Variants in CDKL5 observed in about 807,000 individuals in gnomAD.
CDKL5 encodes the protein cyclin dependent kinase like 5.
CDKL5 carries 8 observed loss-of-function variants against 61.7 expected under a neutral mutation model. The ratio of observed to expected loss-of-function variants is 0.13; its 90% CI spans 0.08 to 0.23. CDKL5 has a LOEUF of 0.23. Among genes scored for constraint, CDKL5 ranks in the 10% least tolerant of loss-of-function variants. CDKL5 has a pLI of 1.00. For missense variants in CDKL5, 440 were observed against 734.5 expected (o/e 0.60, Z 4.63); for synonymous variants, 275 against 272.3 (o/e 1.01, Z -0.10).
chrX:18,572,848 C>T (rs1925177936), intron 4 of CDKL5, among the ~76,000 whole-genome samples: 1 of 111,941 alleles, frequency 8.9e-6, no homozygotes. Flanking sequence ...CCTCCATGAG[C>T]TCTTGATTTA....
At chrX:18,516,149 C>G (rs1293808026) in intron 3 of CDKL5, among the ~76,000 whole-genome samples, 1 of 110,662 alleles carries the variant, frequency 9.0e-6, no homozygotes, top group Non-Finnish European at 1.9e-5. Context: ...CACCACCATG[C>G]GTGGCTAATT....
chrX:18,473,064 T>G (rs1921160080), intron 1 of CDKL5, among the ~76,000 whole-genome samples: 1 of 108,303 alleles, frequency 9.2e-6, no homozygotes, highest in Admixed American at 1.0e-4. Flanking sequence ...CAAGCCACTT[T>G]CCTGCCTCAG....
At chrX:18,481,653 T>C (rs184145998) in intron 1 of CDKL5, among the ~76,000 whole-genome samples, 104 of 108,996 alleles carry the variant, frequency 9.5e-4, no homozygotes, top group African/African-American at 3.4e-3. Context: ...TGAGCCACTG[T>C]GCCCGACTCC....
At chrX:18,442,853 G>A (rs894435068) in intron 1 of CDKL5, among the ~76,000 whole-genome samples, 2 of 112,078 alleles carry the variant, frequency 1.8e-5, no homozygotes, top group Non-Finnish European at 3.8e-5. Flanking sequence ...TTTCATTGTA[G>A]TTCTCTTATT....
chrX:18,497,844 T>G (rs2147084759), intron 1 of CDKL5, among the ~76,000 whole-genome samples: 1 of 109,476 alleles, frequency 9.1e-6, no homozygotes, highest in East Asian at 2.9e-4. Context: ...TTCCTTTCTT[T>G]CTCTGTCACC....
At chrX:18,583,841 A>C (rs889379324) in intron 7 of CDKL5, among the ~76,000 whole-genome samples, 1 of 112,208 alleles carries the variant, frequency 8.9e-6, no homozygotes, top group African/African-American at 3.2e-5. Flanking sequence ...ATACTGTGTA[A>C]GTGCCACATA....
Position 18,631,531 on chromosome X carries a change from C to A in CDKL5, c.*2774C>A, listed in dbSNP as rs1297080743. 1.9e-5 allele frequency: 14 copies of A among 752,795 alleles called. No individual in the cohort carries two copies. The East Asian group carries it at 1.4e-3, about 73-fold the overall frequency. The allele number at this position is 752,795 out of a possible 1,213,427, so 62.0% of individuals were successfully genotyped here. On this transcript the variant is annotated 3_prime_UTR_variant, in exon 18 of 18. Transcript: ENST00000623535. The stretch of plus-strand genomic sequence containing the variant: ...TACTGACATCACAAAGATTGCCATC[C>A]ATGGTAGAAAGGACTTGATTTAAAG...
At chrX:18,494,263 T>G (rs751502076) in intron 1 of CDKL5, among the ~76,000 whole-genome samples, 1 of 110,922 alleles carries the variant, frequency 9.0e-6, no homozygotes. Context: ...TTCTTTTTTT[T>G]TGGGGACAAA....
intron 1 of CDKL5, among the ~76,000 whole-genome samples, chrX:18,499,423 C>G (rs1922301760): frequency 9.8e-6 from 1 of 102,250 alleles, no homozygotes. Context: ...TGCAGTGGCT[C>G]GATCTCGGCT....
At chrX:18,460,022 G>A (rs1024048455) in intron 1 of CDKL5, among the ~76,000 whole-genome samples, 7 of 110,296 alleles carry the variant, frequency 6.3e-5, no homozygotes, top group Admixed American at 2.9e-4. Context: ...ACAGGTGTGC[G>A]CCACCATGCC....
chrX:18,572,494 G>C (rs1925166008), intron 4 of CDKL5, among the ~76,000 whole-genome samples: 1 of 112,077 alleles, frequency 8.9e-6, no homozygotes. Context: ...TCTTGACCCT[G>C]AGCACTGTCA....
At chrX:18,593,831 C>G (rs1296806055) in intron 9 of CDKL5, among the ~76,000 whole-genome samples, 1 of 112,480 alleles carries the variant, frequency 8.9e-6, no homozygotes, top group Non-Finnish European at 1.9e-5. Flanking sequence ...CTGGAAGGTG[C>G]TGTCCTACTT....
chrX:18,592,888 C>T (rs1234261985), intron 9 of CDKL5, among the ~76,000 whole-genome samples: 4 of 111,865 alleles, frequency 3.6e-5, no homozygotes, highest in Non-Finnish European at 5.6e-5. Flanking sequence ...TAGTGGTTTG[C>T]ATTATTGGGA....
At chrX:18,490,051 A>C (rs904067914) in intron 1 of CDKL5, among the ~76,000 whole-genome samples, 2 of 111,678 alleles carry the variant, frequency 1.8e-5, no homozygotes, top group African/African-American at 6.5e-5. Context: ...GACTCTGTCA[A>C]AATCATCGAG....
At chrX:18,470,166 G>C (rs766102321) in intron 1 of CDKL5, among the ~76,000 whole-genome samples, 7 of 109,506 alleles carry the variant, frequency 6.4e-5, no homozygotes, top group South Asian at 7.9e-4. Context: ...GTGAAATCCT[G>C]TCTCTACTAA....
intron 3 of CDKL5, among the ~76,000 whole-genome samples, chrX:18,556,313 ATG>A (rs369107915): frequency 6.3e-4 from 69 of 109,606 alleles, no homozygotes; most frequent in African/African-American, 1.9e-3. Flanking sequence ...CTCTTCAGTG[ATG>A]TGTGTGTGTG....
At chrX:18,531,776 G>A (rs959615062) in intron 3 of CDKL5, among the ~76,000 whole-genome samples, 10 of 106,348 alleles carry the variant, frequency 9.4e-5, no homozygotes, top group Admixed American at 3.0e-4. Flanking sequence ...GCGCAATCTC[G>A]GCTCACTGCA....
intron 2 of CDKL5, among the ~76,000 whole-genome samples, chrX:18,509,197 G>GCACACGCGCGCGCACACA (rs1555940192): frequency 3.1e-5 from 2 of 64,308 alleles, no homozygotes; most frequent in South Asian, 1.1e-3. Context: ...CTCAAAACAC[G>GCACACGCGCGCGCACACA]CACACACACA....
chrX:18,612,688 T>C (rs1926594052), intron 14 of CDKL5, among the ~76,000 whole-genome samples: 1 of 107,878 alleles, frequency 9.3e-6, no homozygotes, highest in Non-Finnish European at 1.9e-5. Flanking sequence ...AAAAAAAATA[T>C]AATGTTCTTC....
Sources: allele counts gnomAD v4.1 joint callset (sites outside exome capture counted in the v4.1 genomes callset), GRCh38; gene constraint gnomAD v4.1.1; transcripts MANE v1.5; gene names NCBI Gene and HGNC (gene_info 2026-07-23, HGNC 2026-07-21).